The following LRRC4C variants were observed in gnomAD, a reference collection of about 807,000 sequenced individuals.
The protein encoded by LRRC4C is leucine rich repeat containing 4C.
LRRC4C carries 5 observed loss-of-function variants against 33.6 expected under a neutral mutation model. The ratio of observed to expected loss-of-function variants is 0.15; its 90% CI spans 0.08 to 0.31. The LOEUF is 0.31. Ranked by LOEUF, LRRC4C falls within the 10% of genes least tolerant of loss-of-function variation. The pLI is 1.00. For missense variants in LRRC4C, 560 were observed against 796.7 expected (o/e 0.70, Z 3.58); for synonymous variants, 329 against 302.0 (o/e 1.09, Z -0.93).
At chr11:40,499,666 A>T (rs1220868575) in intron 3 of LRRC4C, among the ~76,000 whole-genome samples, 1 of 152,222 alleles carries the variant, frequency 6.6e-6, no homozygotes, top group African/African-American at 2.4e-5. Context: ...AGTAACTGAG[A>T]TGATAATCTC....
intron 1 of LRRC4C, among the ~76,000 whole-genome samples, chr11:41,022,955 C>T (rs184023559): frequency 1.3e-5 from 2 of 152,010 alleles, no homozygotes; most frequent in African/African-American, 4.8e-5. Flanking sequence ...CACTTTCTCA[C>T]AGAAAATCAC....
intron 5 of LRRC4C, among the ~76,000 whole-genome samples, chr11:40,236,908 A>C (rs1297229099): frequency 3.3e-5 from 5 of 152,180 alleles, no homozygotes; most frequent in Non-Finnish European, 5.9e-5. Flanking sequence ...TTCTAGTATG[A>C]AGTAAGTGCT....
At chr11:40,854,748 C>G (rs1442201891) in intron 2 of LRRC4C, among the ~76,000 whole-genome samples, 1 of 150,508 alleles carries the variant, frequency 6.6e-6, no homozygotes, top group South Asian at 2.1e-4. Context: ...ACATAGAGTA[C>G]ATTAATGTAT....
At position 40,659,567 on chromosome 11, in the gene LRRC4C, A is replaced by C. The variant is rs535420159; in HGVS notation, c.-406-11289T>G. 5.3e-5 allele frequency among the ~76,000 whole-genome samples: 8 copies of C among 152,266 alleles called. No homozygotes were observed. In the South Asian group the frequency reaches 1.7e-3, roughly 32 times the overall value. On this transcript the variant is annotated intron_variant, in intron 2 of 6. Transcript: ENST00000528697. ...GTGAGCCCATAAAAACCCCAGACTCAGCCAGACTCACAGAGATGTTGAGAC... is the reference window on the plus strand; with the variant it reads ...GTGAGCCCATAAAAACCCCAGACTCCGCCAGACTCACAGAGATGTTGAGAC...
At chr11:40,305,926 A>G (rs917799490) in intron 4 of LRRC4C, among the ~76,000 whole-genome samples, 2 of 152,206 alleles carry the variant, frequency 1.3e-5, no homozygotes, top group Non-Finnish European at 2.9e-5. Flanking sequence ...TATGATACCA[A>G]GTTGTGCGTT....
intron 2 of LRRC4C, among the ~76,000 whole-genome samples, chr11:40,852,367 G>A (rs1196074967): frequency 6.6e-6 from 1 of 151,956 alleles, no homozygotes; most frequent in East Asian, 1.9e-4. Context: ...ATACCTTTCT[G>A]AGCCACCAAT....
chr11:40,789,312 T>C (rs138723926), intron 2 of LRRC4C, among the ~76,000 whole-genome samples: 490 of 152,168 alleles, frequency 3.2e-3, no homozygotes, highest in African/African-American at 0.011. Context: ...GAGCTAGCAA[T>C]CAGTTGAGTT....
At chr11:41,139,188 T>C (rs1943396954) in intron 1 of LRRC4C, among the ~76,000 whole-genome samples, 1 of 152,298 alleles carries the variant, frequency 6.6e-6, no homozygotes, top group South Asian at 2.1e-4. Flanking sequence ...TAAACAAGAT[T>C]TTATAGTTGG....
intron 3 of LRRC4C, among the ~76,000 whole-genome samples, chr11:40,450,556 T>C (rs1172220628): frequency 6.6e-6 from 1 of 152,124 alleles, no homozygotes; most frequent in African/African-American, 2.4e-5. Context: ...GGCTTTCTGA[T>C]GCATATGTAA....
intron 1 of LRRC4C, among the ~76,000 whole-genome samples, chr11:40,994,406 G>C (rs891838596): frequency 6.6e-6 from 1 of 152,108 alleles, no homozygotes; most frequent in African/African-American, 2.4e-5. Context: ...GTAGCTAATG[G>C]GGGATGTGAA....
At chr11:40,474,135 A>G (rs1250878806) in intron 3 of LRRC4C, among the ~76,000 whole-genome samples, 6 of 152,200 alleles carry the variant, frequency 3.9e-5, no homozygotes, top group African/African-American at 1.2e-4. Context: ...AGAAGTGCCC[A>G]TATAGCCAAG....
At chr11:41,073,764 A>T (rs79522618) in intron 1 of LRRC4C, among the ~76,000 whole-genome samples, 1,689 of 152,240 alleles carry the variant, frequency 0.011, 41 homozygotes, top group African/African-American at 0.038. Context: ...ATCTTTAAGT[A>T]AAAAACAAAT....
intron 5 of LRRC4C, among the ~76,000 whole-genome samples, chr11:40,237,498 A>G (rs1865645811): frequency 6.6e-6 from 1 of 152,158 alleles, no homozygotes; most frequent in Non-Finnish European, 1.5e-5. Flanking sequence ...ACCCTAAGAC[A>G]AGGTCGCGGT....
intron 5 of LRRC4C, among the ~76,000 whole-genome samples, chr11:40,198,295 T>G (rs1862430654): frequency 1.3e-5 from 2 of 152,216 alleles, no homozygotes; most frequent in Admixed American, 1.3e-4. Flanking sequence ...AATAGTGAAG[T>G]CTGATTCTAA....
chr11:40,394,312 AT>A, intron 3 of LRRC4C, among the ~76,000 whole-genome samples: 2 of 152,306 alleles, frequency 1.3e-5, no homozygotes, highest in East Asian at 3.9e-4. Flanking sequence ...TCCTGGCAGA[AT>A]AACTTTTCCT....
intron 3 of LRRC4C, among the ~76,000 whole-genome samples, chr11:40,513,248 C>CA (rs1171178910): frequency 0.045 from 2,421 of 54,046 alleles, 112 homozygotes; most frequent in Admixed American, 0.11. Flanking sequence ...GACTCCGTCT[C>CA]AAAAAAAAAA....
intron 3 of LRRC4C, among the ~76,000 whole-genome samples, chr11:40,346,434 C>A (rs1947133334): frequency 6.6e-6 from 1 of 152,074 alleles, no homozygotes; most frequent in South Asian, 2.1e-4. Flanking sequence ...TTATTCTTAG[C>A]AAACTAACAC....
At chr11:40,251,077 A>C (rs1278853599) in intron 4 of LRRC4C, among the ~76,000 whole-genome samples, 1 of 152,196 alleles carries the variant, frequency 6.6e-6, no homozygotes, top group Non-Finnish European at 1.5e-5. Context: ...TACATTTTGC[A>C]AGAAACAAAT....
chr11:41,313,527 A>G (rs965029105), intron 1 of LRRC4C, among the ~76,000 whole-genome samples: 1 of 152,166 alleles, frequency 6.6e-6, no homozygotes, highest in Non-Finnish European at 1.5e-5. Flanking sequence ...AAACAAATGC[A>G]TATTGAGGGT....
Sources: allele counts gnomAD v4.1 joint callset (sites outside exome capture counted in the v4.1 genomes callset), GRCh38; gene constraint gnomAD v4.1.1; transcripts MANE v1.5; gene names NCBI Gene and HGNC (gene_info 2026-07-23, HGNC 2026-07-21).